MSRA: variants seen among roughly 807,000 people sequenced by gnomAD.
MSRA encodes mitochondrial peptide methionine sulfoxide reductase.
A neutral mutation model predicts 31.3 loss-of-function variants in MSRA; 54 were observed. That is an observed-to-expected ratio of 1.73 (90% CI 1.39 to 2.17). The LOEUF is 2.17. MSRA is among the 30% of genes most tolerant of loss of function. MSRA has a pLI of 0.00. For missense variants in MSRA, 507 were observed against 300.9 expected (o/e 1.69, Z -5.07); for synonymous variants, 169 against 116.5 (o/e 1.45, Z -2.90).
intron 3 of MSRA, among the ~76,000 whole-genome samples, chr8:10,280,958 G>A (rs936536167): frequency 6.6e-6 from 1 of 152,218 alleles, no homozygotes; most frequent in African/African-American, 2.4e-5. Flanking sequence ...AGGGAAAGCT[G>A]TAGAGACAGA....
chr8:10,220,808 G>A (rs894288324), intron 2 of MSRA, among the ~76,000 whole-genome samples: 1 of 152,156 alleles, frequency 6.6e-6, no homozygotes, highest in Non-Finnish European at 1.5e-5. Context: ...GGTGGCAGTG[G>A]GCACTCACAT....
At chr8:10,278,627 G>A (rs1018124433) in intron 3 of MSRA, among the ~76,000 whole-genome samples, 2 of 152,212 alleles carry the variant, frequency 1.3e-5, no homozygotes, top group African/African-American at 4.8e-5. Flanking sequence ...ATTCTTGGGA[G>A]ACCTCACCTG....
At chr8:10,396,045 T>C (rs1807077351) in intron 5 of MSRA, among the ~76,000 whole-genome samples, 1 of 152,158 alleles carries the variant, frequency 6.6e-6, no homozygotes, top group Admixed American at 6.5e-5. Flanking sequence ...GGCAGCTCCC[T>C]CCCTTCTCCC....
At chr8:10,365,068 C>T (rs779388855) in intron 5 of MSRA, among the ~76,000 whole-genome samples, 1 of 142,592 alleles carries the variant, frequency 7.0e-6, no homozygotes, top group Non-Finnish European at 1.5e-5. Flanking sequence ...GCCAAACAGA[C>T]AGATAGGAAG....
At chr8:10,163,175 C>T (rs537713821) in intron 1 of MSRA, among the ~76,000 whole-genome samples, 2 of 152,160 alleles carry the variant, frequency 1.3e-5, no homozygotes, top group African/African-American at 4.8e-5. Flanking sequence ...GCACCTTGAT[C>T]TTGGACTTCC....
At chr8:10,081,679 G>A (rs537384393) in intron 1 of MSRA, among the ~76,000 whole-genome samples, 1 of 152,150 alleles carries the variant, frequency 6.6e-6, no homozygotes, top group African/African-American at 2.4e-5. Flanking sequence ...TAGTAGAGAC[G>A]GGGTTTCACC....
chr8:10,107,174 C>T (rs1167171711), intron 1 of MSRA, among the ~76,000 whole-genome samples: 1 of 152,134 alleles, frequency 6.6e-6, no homozygotes. Flanking sequence ...TGCTTTTCCT[C>T]ACCTTCTTGT....
chr8:10,266,596 C>A (rs747459166), intron 3 of MSRA, among the ~76,000 whole-genome samples: 17 of 151,700 alleles, frequency 1.1e-4, no homozygotes, highest in Admixed American at 5.3e-4. Context: ...TTGATGAGAT[C>A]CAGTCTATCG....
intron 5 of MSRA, among the ~76,000 whole-genome samples, chr8:10,414,396 A>G (rs1354659117): frequency 6.6e-6 from 1 of 152,222 alleles, no homozygotes; most frequent in Non-Finnish European, 1.5e-5. Flanking sequence ...CTTAACAGAA[A>G]CAAATGCCTC....
intron 1 of MSRA, among the ~76,000 whole-genome samples, chr8:10,194,952 T>G (rs1807846170): frequency 6.6e-6 from 1 of 152,230 alleles, no homozygotes; most frequent in African/African-American, 2.4e-5. Context: ...AGTTCAAAAG[T>G]AACAAGAGTT....
intron 1 of MSRA, among the ~76,000 whole-genome samples, chr8:10,160,159 G>C (rs1804508523): frequency 6.6e-6 from 1 of 152,150 alleles, no homozygotes; most frequent in African/African-American, 2.4e-5. Flanking sequence ...CAGTGGAAGT[G>C]GGTTAAAAAT....
chr8:10,144,145 G>T (rs768203270), intron 1 of MSRA, among the ~76,000 whole-genome samples: 1 of 152,184 alleles, frequency 6.6e-6, no homozygotes, highest in African/African-American at 2.4e-5. Flanking sequence ...AGGAAAGTCA[G>T]GTTAAAGGAA....
intron 1 of MSRA, among the ~76,000 whole-genome samples, chr8:10,188,717 C>T (rs192251815): frequency 6.6e-6 from 1 of 152,342 alleles, no homozygotes; most frequent in Admixed American, 6.5e-5. Flanking sequence ...ATCCTGTCTT[C>T]TCTATTCTGT....
chr8:10,329,052 T>C (rs1055565390), intron 5 of MSRA, among the ~76,000 whole-genome samples: 3 of 152,242 alleles, frequency 2.0e-5, no homozygotes, highest in African/African-American at 7.2e-5. Context: ...GCTATTATGA[T>C]CGTACAACAT....
rs117753526 is a variant in MSRA, at chr8:10,200,517, T to G, written c.143-7316T>G. Among the ~76,000 whole-genome samples the G allele has an allele frequency of 2.2e-4, 33 of 152,246 alleles. No individual in the cohort carries two copies. The East Asian group carries it at 6.0e-3, about 28-fold the overall frequency. ...GGGGGACTCCCTGCCTTGCTGCTCC[T>G]CATCACGGGTCCCAGCTGCTGGTTG... is the stretch of plus-strand genomic sequence containing the variant. On this transcript the variant is annotated intron_variant, in intron 1 of 5. Coordinates refer to ENST00000317173, the MANE Select transcript of MSRA (RefSeq NM_012331.5).
chr8:10,186,796 G>A (rs1035783295), intron 1 of MSRA, among the ~76,000 whole-genome samples: 10 of 152,142 alleles, frequency 6.6e-5, no homozygotes, highest in African/African-American at 1.9e-4. Flanking sequence ...TAGTCCTGCC[G>A]TGCTGCTATT....
intron 5 of MSRA, among the ~76,000 whole-genome samples, chr8:10,397,146 G>A (rs1807146362): frequency 6.6e-6 from 1 of 152,208 alleles, no homozygotes; most frequent in African/African-American, 2.4e-5. Flanking sequence ...CTTCACCTTT[G>A]TCTCCCGGCT....
chr8:10,347,519 C>T (rs995181893), intron 5 of MSRA, among the ~76,000 whole-genome samples: 1 of 152,174 alleles, frequency 6.6e-6, no homozygotes, highest in Admixed American at 6.5e-5. Context: ...CATTTCTGTC[C>T]CATTTCTTTT....
chr8:10,266,676 C>A (rs897584362), intron 3 of MSRA, among the ~76,000 whole-genome samples: 2 of 151,760 alleles, frequency 1.3e-5, no homozygotes, highest in African/African-American at 4.8e-5. Context: ...AATATTTTCT[C>A]TTATTTTTTC....
Sources: gnomAD v4.1 joint callset for allele counts (sites outside exome capture counted in the v4.1 genomes callset) on GRCh38, gnomAD v4.1.1 for gene constraint, MANE v1.5 for transcripts, NCBI Gene and HGNC (gene_info 2026-07-23, HGNC 2026-07-21) for gene names.